KIR3DL2: variants seen among roughly 807,000 people sequenced by gnomAD.
KIR3DL2 encodes killer cell immunoglobulin-like receptor 3DL2.
KIR3DL2 carries 42 observed loss-of-function variants against 41.6 expected under a neutral mutation model. That is an observed-to-expected ratio of 1.01 (90% CI 0.79 to 1.31). The LOEUF (loss-of-function observed/expected upper bound fraction) is 1.31, where lower values mean the gene tolerates loss of function less well. Ranked by LOEUF, KIR3DL2 falls within the 50% of genes most tolerant of loss-of-function variation. The probability of loss-of-function intolerance (pLI) is 0.00; values close to 1 mark genes in which losing one functional copy is unlikely to be tolerated. For missense variants in KIR3DL2, 728 were observed against 576.8 expected, an observed-to-expected ratio of 1.26 and a Z score of -2.68; for synonymous variants, 230 against 221.3, an observed-to-expected ratio of 1.04 and a Z score of -0.35.
chr19:54,857,409 G>A (rs973594673), intron 5 of KIR3DL2, among the ~76,000 whole-genome samples: 1 of 151,090 alleles, frequency 6.6e-6, no homozygotes, highest in Admixed American at 6.6e-5. Flanking sequence ...GTTTTTTAAA[G>A]ATTTTCCATA....
At chr19:54,859,702 T>G (rs586955) in intron 6 of KIR3DL2, among the ~76,000 whole-genome samples, 86,944 of 150,332 alleles carry the variant, frequency 0.58, 25,778 homozygotes, top group East Asian at 0.93. Flanking sequence ...AAGATTCGTG[T>G]GTGAAAACAA....
rs1248813436 is a variant in KIR3DL2 at position 54,859,563 on chromosome 19, A to G, written c.1000+434A>G. Among the ~76,000 whole-genome samples, 4 of 151,884 alleles carry G rather than the reference A, an allele frequency of 2.6e-5. No individual in the cohort carries two copies. In the East Asian group the frequency reaches 5.8e-4, roughly 22 times the overall value. On this transcript the variant is annotated intron_variant, in intron 6 of 8. Coordinates refer to ENST00000326321, the MANE Select transcript of KIR3DL2 (RefSeq NM_006737.4). ...ACCCTGGCTGACTCAGCAGAGCAAGAGCCTTGCCGTAACAGAGAACAGAGC... is the reference window on the plus strand; with the variant it reads ...ACCCTGGCTGACTCAGCAGAGCAAGGGCCTTGCCGTAACAGAGAACAGAGC...
At chr19:54,859,296 G>A (rs1348336332) in intron 6 of KIR3DL2, among the ~76,000 whole-genome samples, 167 bp downstream of exon 6, 8 of 151,970 alleles carry the variant, frequency 5.3e-5, no homozygotes, top group East Asian at 3.9e-4. Context: ...GCCACCAAAG[G>A]GCTCAGCGAA....
At chr19:54,857,283 A>T (rs1199670487) in intron 5 of KIR3DL2, among the ~76,000 whole-genome samples, 1 of 151,212 alleles carries the variant, frequency 6.6e-6, no homozygotes, top group Non-Finnish European at 1.5e-5. Context: ...CACAGACGGG[A>T]TATCCCAATT....
Position 54,855,061 on chromosome 19 carries a change from A to AAGAT in KIR3DL2, c.656-550_656-547dup, listed in dbSNP as rs4020217. On this transcript the variant is annotated intron_variant, in intron 4 of 8. Transcript: ENST00000326321. Reference sequence around the variant, plus strand: ...CATAGAGATGATGATGATGATGATGAAGATAGATAGAAGACACATATATAA... The same window carrying AAGAT: ...CATAGAGATGATGATGATGATGATGAAGATAGATAGATAGAAGACACATATATAA... Among the ~76,000 whole-genome samples the AAGAT allele has an allele frequency of 8.1e-3, 1,202 of 148,226 alleles. 52 individuals are homozygous for AAGAT. Among genetic ancestry groups the AAGAT allele is most frequent in the African/African-American group, 0.026 (1,045 of 39,592 alleles).
Position 54,855,860 on chromosome 19 carries a change from C to G in KIR3DL2, c.897C>G (p.Ala299=), listed in dbSNP as rs1221315424. ...GTYRCFGSFR[A]LPCVWSNSSD... ...ACAGATGCTTCGGCTCTTTCCGTGCCCTGCCCTGCGTGTGGTCAAACTCAA... is the reference window on the plus strand; with the variant it reads ...ACAGATGCTTCGGCTCTTTCCGTGCGCTGCCCTGCGTGTGGTCAAACTCAA... The change falls in exon 5 of 9, where the codon GCC becomes GCG. Residue 299 remains alanine (A), a synonymous_variant. Coordinates refer to ENST00000326321, the MANE Select transcript of KIR3DL2 (RefSeq NM_006737.4). 1.2e-6 allele frequency: 2 copies of G among 1,613,276 alleles called. No homozygotes were observed. The highest frequency in any genetic ancestry group is 2.7e-5 in the African/African-American group (2 of 74,508).
At chr19:54,851,281 T>G (rs2064211368) in intron 2 of KIR3DL2, 26 bp downstream of exon 2, 6 of 1,601,150 alleles carry the variant, frequency 3.7e-6, no homozygotes, top group Middle Eastern at 3.4e-4. Context: ...AACCTTAGGG[T>G]GTCATCTCCC....
rs561422867 is a variant in KIR3DL2 at position 54,852,360 on chromosome 19, G to A, written c.355+78G>A. ...GCTTCTGGTGGGGGTGTCCATCAGG[G>A]TCCCATCACCCAGGCCCCAACTGTA... is the stretch of plus-strand genomic sequence containing the variant. On this transcript the variant is annotated intron_variant, in intron 3 of 8. Transcript: ENST00000326321. 8 of 1,562,428 alleles carry A rather than the reference G, an allele frequency of 5.1e-6. 1 individual carries two copies. The African/African-American group carries it at 1.1e-4, about 22-fold the overall frequency.
chr19:54,865,824 T>G lies in KIR3DL2; in HGVS notation c.1020T>G (p.His340Gln), dbSNP rs779666933. 3 of 1,568,460 alleles carry G rather than the reference T, an allele frequency of 1.9e-6. No homozygotes were observed. Among genetic ancestry groups the G allele is most frequent in the Non-Finnish European group, 2.6e-6 (3 of 1,144,076 alleles). ...CTCCAGGTATCTGCAGACACCTGCA[T>G]GTTCTGATTGGGACCTCAGTGGTCA... Reference protein sequence around the residue: ...SSKSGICRHLHVLIGTSVVIF... With the variant: ...SSKSGICRHLQVLIGTSVVIF... The change falls in exon 7 of 9, where the codon CAT becomes CAG. Residue 340 changes from histidine (H) to glutamine (Q), a missense_variant. By Grantham distance (24) the His-to-Gln change is conservative. Transcript: ENST00000326321.
In KIR3DL2 at chr19:54,857,542, A is replaced by ATTT. The variant is rs1569523841; in HGVS notation, c.950-1537_950-1536insTTT. 2.7e-3 allele frequency among the ~76,000 whole-genome samples: 400 copies of ATTT among 147,702 alleles called. 1 individual carries two copies. The highest frequency in any genetic ancestry group is 8.0e-3 in the African/African-American group (317 of 39,808). On this transcript the variant is annotated intron_variant, in intron 5 of 8. Coordinates refer to ENST00000326321, the MANE Select transcript of KIR3DL2 (RefSeq NM_006737.4). ...TTGCAGATAAAAGCCATTTTACTTT[A>ATTT]CTTTATTTATTTATTTATTTATGTT...
chr19:54,866,402 G>C lies in KIR3DL2; in HGVS notation c.1138G>C (p.Asp380His), dbSNP rs577423968. ...TGTAATGGACCAAGAGCCTGCGGGG[G>C]ACAGAACAGTGAATAGGCAGGTAGG... ...AAVMDQEPAG[D>H]RTVNRQDSDE... is the part of the protein sequence containing the mutation. The change falls in exon 8 of 9, where the codon GAC becomes CAC. Residue 380 changes from aspartate (D) to histidine (H), a missense_variant. Physicochemically the swap from Asp to His is moderately conservative, Grantham distance 81. Transcript: ENST00000326321. The C allele has an allele frequency of 1.2e-6, 2 of 1,613,888 alleles. No individual in the cohort carries two copies. Among genetic ancestry groups the C allele is most frequent in the East Asian group, 4.5e-5 (2 of 44,868 alleles).
chr19:54,856,616 A>C (rs182266101), intron 5 of KIR3DL2, among the ~76,000 whole-genome samples: 130 of 145,726 alleles, frequency 8.9e-4, no homozygotes, highest in East Asian at 2.3e-3. Flanking sequence ...GCCAGGAGGC[A>C]GAGGTTGCAC....
At chr19:54,851,104 T>C (rs1407902269) in intron 1 of KIR3DL2, 116 bp from the exon 2 acceptor site, 1 of 1,331,096 alleles carries the variant, frequency 7.5e-7, no homozygotes, top group African/African-American at 1.5e-5. Flanking sequence ...GCAGGGAGGC[T>C]AAGTTTACCT....
At chr19:54,857,232 G>C (rs1478993274) in intron 5 of KIR3DL2, among the ~76,000 whole-genome samples, 1 of 151,208 alleles carries the variant, frequency 6.6e-6, no homozygotes, top group Non-Finnish European at 1.5e-5. Flanking sequence ...TGTGATTACA[G>C]GTGCACGCCA....
In KIR3DL2 at chr19:54,852,378, CA is replaced by C. The variant is rs2064349148; in HGVS notation, c.355+98del. ...CATCAGGGTCCCATCACCCAGGCCC[CA>C]ACTGTATTTGGGGTCAAGGGAGATT... On this transcript the variant is annotated intron_variant, in intron 3 of 8. Transcript: ENST00000326321. 8 of 1,488,550 alleles carry C rather than the reference CA, an allele frequency of 5.4e-6. No homozygotes were observed. The East Asian group carries it at 1.8e-4, about 34-fold the overall frequency. 92.2% of individuals were successfully genotyped at this position (1,488,550 alleles called of 1,614,324 possible). A position where few individuals can be genotyped will look rare whatever the true frequency, so the allele number is the denominator to read the frequency against.
intron 3 of KIR3DL2, among the ~76,000 whole-genome samples, chr19:54,853,372 T>C (rs139266567): frequency 0.096 from 12,117 of 126,852 alleles, no homozygotes; most frequent in South Asian, 0.18. Flanking sequence ...AGTTGATACC[T>C]CTGCCAGAGA....
chr19:54,854,606 C>T (rs2064586474), intron 4 of KIR3DL2, among the ~76,000 whole-genome samples: 1 of 151,860 alleles, frequency 6.6e-6, no homozygotes, highest in South Asian at 2.1e-4. Context: ...AGACTAGATT[C>T]TGAGGCTCAT....
intron 6 of KIR3DL2, among the ~76,000 whole-genome samples, chr19:54,865,084 T>C (rs2065413784): frequency 6.6e-6 from 1 of 152,222 alleles, no homozygotes; most frequent in South Asian, 2.1e-4. Flanking sequence ...TTGAATTTTG[T>C]CAAAGGCCTT....
At chr19:54,856,442 A>G (rs2064786487) in intron 5 of KIR3DL2, among the ~76,000 whole-genome samples, 1 of 151,652 alleles carries the variant, frequency 6.6e-6, no homozygotes, top group Non-Finnish European at 1.5e-5. Flanking sequence ...GCGCTTTGAG[A>G]GGCCAAGAAA....
Sources: allele counts gnomAD v4.1 joint callset (sites outside exome capture counted in the v4.1 genomes callset), GRCh38; gene constraint gnomAD v4.1.1; transcripts MANE v1.5; gene names NCBI Gene and HGNC (gene_info 2026-07-23, HGNC 2026-07-21).